FANCC: variants seen among roughly 807,000 people sequenced by gnomAD.
FANCC encodes the protein Fanconi anemia group C protein.
Under a neutral mutation model 71.3 loss-of-function variants are expected in FANCC, and 55 were observed. The observed-to-expected ratio is 0.77, with a 90% CI of 0.62 to 0.97. FANCC has a LOEUF of 0.97. Ranked by LOEUF, FANCC falls within the 50% of genes least tolerant of loss-of-function variation. FANCC has a pLI of 0.00. For missense variants in FANCC, 678 were observed against 670.9 expected (o/e 1.01, Z -0.12); for synonymous variants, 275 against 244.9 (o/e 1.12, Z -1.15).
intron 1 of FANCC, among the ~76,000 whole-genome samples, chr9:95,274,271 G>A (rs924029519): frequency 6.6e-6 from 1 of 152,124 alleles, no homozygotes; most frequent in African/African-American, 2.4e-5. Context: ...GAGAACATGT[G>A]GTGTTTGGTT....
intron 1 of FANCC, among the ~76,000 whole-genome samples, chr9:95,297,795 A>G (rs4647374): frequency 4.5e-4 from 68 of 152,214 alleles, no homozygotes; most frequent in Non-Finnish European, 8.8e-4. Flanking sequence ...AATGGACAAA[A>G]TGTCACAATA....
At chr9:95,150,143 A>G (rs929464253) in intron 6 of FANCC, 56 bp from the exon 7 acceptor site, 117 of 1,592,878 alleles carry the variant, frequency 7.3e-5, no homozygotes, top group Non-Finnish European at 9.3e-5. Flanking sequence ...ATAATTAAGG[A>G]CATATAAAAA....
chr9:95,154,380 G>A lies in FANCC; in HGVS notation c.522-4293C>T, dbSNP rs534120568. Reference sequence around the variant, plus strand: ...ACTTTGGAGAACAACTGGTAGCAACGTGCTACCATTTCTTCTTACAGGTTA... The same window carrying A: ...ACTTTGGAGAACAACTGGTAGCAACATGCTACCATTTCTTCTTACAGGTTA... On this transcript the variant is annotated intron_variant, in intron 6 of 14. Coordinates refer to ENST00000289081, the MANE Select transcript of FANCC (RefSeq NM_000136.3). Among the ~76,000 whole-genome samples the A allele has an allele frequency of 6.6e-5, 10 of 151,944 alleles. No homozygotes were observed. The East Asian group carries it at 9.7e-4, about 15-fold the overall frequency.
At chr9:95,278,790 G>T (rs995886800) in intron 1 of FANCC, among the ~76,000 whole-genome samples, 1 of 126,026 alleles carries the variant, frequency 7.9e-6, no homozygotes, top group African/African-American at 3.1e-5. Flanking sequence ...TATATATCAC[G>T]GTAATTATTC....
intron 1 of FANCC, among the ~76,000 whole-genome samples, chr9:95,303,195 G>A (rs547746172): frequency 6.6e-6 from 1 of 152,278 alleles, no homozygotes; most frequent in Admixed American, 6.5e-5. Context: ...TGAATCTGAG[G>A]AAGTGAATTT....
chr9:95,144,985 G>A (rs575494460), intron 7 of FANCC, among the ~76,000 whole-genome samples: 30 of 152,094 alleles, frequency 2.0e-4, no homozygotes, highest in African/African-American at 7.0e-4. Context: ...GTAGAAAAAA[G>A]GCCATTTTAT....
At chr9:95,222,633 C>T (rs1038368829) in intron 4 of FANCC, among the ~76,000 whole-genome samples, 4 of 151,936 alleles carry the variant, frequency 2.6e-5, no homozygotes, top group Non-Finnish European at 5.9e-5. Context: ...TTTGATCGCA[C>T]GTAAAATGTT....
At position 95,241,432 on chromosome 9, in the gene FANCC, C is replaced by T. The variant is rs4647435; in HGVS notation, c.251-689G>A. 4.3e-3 allele frequency among the ~76,000 whole-genome samples: 649 copies of T among 152,268 alleles called. 2 individuals are homozygous for T. Among genetic ancestry groups the T allele is most frequent in the Non-Finnish European group, 7.2e-3 (489 of 68,028 alleles). ...ATCTTACATTTTGCAGGAACATCTA[C>T]TTGATGAGCTACTTTCTTTCTCCTT... On this transcript the variant is annotated intron_variant, in intron 3 of 14. Coordinates refer to ENST00000289081, the MANE Select transcript of FANCC (RefSeq NM_000136.3).
At chr9:95,206,154 G>A (rs1482704581) in intron 4 of FANCC, among the ~76,000 whole-genome samples, 9 of 152,108 alleles carry the variant, frequency 5.9e-5, no homozygotes, top group African/African-American at 2.2e-4. Context: ...TCTAAACAAC[G>A]AAAATTTAGA....
rs747616510 is a variant in FANCC at position 95,135,464 on chromosome 9, A to G, written c.725T>C (p.Leu242Pro). ...AAGGCTGGGAAGGTGCCGAAGCCAG[A>G]GGCAGACTACAGCTGACATGGGGAG... ...ISLPMSAVVC[L>P]WLRHLPSLEK... Residue 242 changes from leucine to proline, a missense_variant, in exon 8 of 15, where the codon CTC (leucine) becomes CCC (proline). Physicochemically the swap from Leu to Pro is moderately conservative, Grantham distance 98. Coordinates refer to ENST00000289081, the MANE Select transcript of FANCC (RefSeq NM_000136.3). 8 of 1,614,140 alleles carry G rather than the reference A, an allele frequency of 5.0e-6. No homozygotes were observed. The highest frequency in any genetic ancestry group is 5.9e-6 in the Non-Finnish European group (7 of 1,180,032).
At position 95,123,544 on chromosome 9, in the gene FANCC, C is replaced by T. The variant is rs769048322; in HGVS notation, c.996+1542G>A. ...ATATGATGAAAAAAAGAAGGAACAA[C>T]GGTCGTACCAAAAAGGGCCGCGGCC... On this transcript the variant is annotated intron_variant, in intron 10 of 14. Coordinates refer to ENST00000289081, the MANE Select transcript of FANCC (RefSeq NM_000136.3). The T allele has an allele frequency of 4.0e-5, 21 of 527,626 alleles. 1 individual carries two copies. The highest frequency in any genetic ancestry group is 7.1e-5 in the Non-Finnish European group (19 of 266,918). 32.7% of individuals were successfully genotyped at this position (527,626 alleles called of 1,614,324 possible). A position where few individuals can be genotyped will look rare whatever the true frequency, so the allele number is the denominator to read the frequency against.
At position 95,154,904 on chromosome 9, in the gene FANCC, A is replaced by C. The variant is rs118026968; in HGVS notation, c.522-4817T>G. 3.3e-3 allele frequency among the ~76,000 whole-genome samples: 502 copies of C among 152,206 alleles called. 9 individuals are homozygous for C. In the East Asian group the frequency reaches 0.043, roughly 13 times the overall value. On this transcript the variant is annotated intron_variant, in intron 6 of 14. Coordinates refer to ENST00000289081, the MANE Select transcript of FANCC (RefSeq NM_000136.3). ...AAAATACAATGTTAACTAGTAAAAT[A>C]CTGAAAATGAAAATATTCATGCTAG... is the stretch of plus-strand genomic sequence containing the variant.
chr9:95,213,857 T>C (rs1213365834), intron 4 of FANCC, among the ~76,000 whole-genome samples: 1 of 152,042 alleles, frequency 6.6e-6, no homozygotes, highest in Non-Finnish European at 1.5e-5. Context: ...ATACAGTAAA[T>C]AGGCAACCCA....
chr9:95,113,675 T>C (rs953048360), intron 12 of FANCC: 1 of 150,476 alleles, frequency 6.6e-6, no homozygotes, highest in African/African-American at 2.5e-5. Context: ...CAGGCTGGAG[T>C]GCAGTGGCAC....
At chr9:95,183,432 C>G (rs1389004214) in intron 4 of FANCC, among the ~76,000 whole-genome samples, 1 of 152,228 alleles carries the variant, frequency 6.6e-6, no homozygotes, top group Non-Finnish European at 1.5e-5. Context: ...CCAGCTGAGT[C>G]AAAACCAAGA....
intron 4 of FANCC, among the ~76,000 whole-genome samples, chr9:95,239,123 T>G (rs1424236527): frequency 2.0e-5 from 3 of 152,176 alleles, no homozygotes; most frequent in Admixed American, 1.3e-4. Flanking sequence ...TAGCTGTTCT[T>G]CAGAATTCAA....
At chr9:95,230,927 T>C (rs1352279347) in intron 4 of FANCC, among the ~76,000 whole-genome samples, 1 of 151,824 alleles carries the variant, frequency 6.6e-6, no homozygotes, top group Non-Finnish European at 1.5e-5. Context: ...ATTGGTCTGT[T>C]TTTACAGAGT....
intron 3 of FANCC, among the ~76,000 whole-genome samples, chr9:95,246,576 T>C (rs1830992734): frequency 6.6e-6 from 1 of 152,168 alleles, no homozygotes; most frequent in Non-Finnish European, 1.5e-5. Flanking sequence ...TGGGAGGCCC[T>C]AGGACAACAA....
At chr9:95,188,899 T>A (rs887519413) in intron 4 of FANCC, among the ~76,000 whole-genome samples, 1 of 152,206 alleles carries the variant, frequency 6.6e-6, no homozygotes, top group Non-Finnish European at 1.5e-5. Context: ...ATGTGCCCTA[T>A]GATTTTTAAT....
Sources: allele counts gnomAD v4.1 joint callset (sites outside exome capture counted in the v4.1 genomes callset), GRCh38; gene constraint gnomAD v4.1.1; transcripts MANE v1.5; gene names NCBI Gene and HGNC (gene_info 2026-07-23, HGNC 2026-07-21).